Variants in AUTS2 observed in about 807,000 individuals in gnomAD.
The protein encoded by AUTS2 is autism susceptibility gene 2 protein.
In AUTS2, 17 loss-of-function variants were observed where a neutral mutation model predicts 112.4. That is an observed-to-expected ratio of 0.15 (90% CI 0.10 to 0.23). AUTS2 has a LOEUF of 0.23. Ranked by LOEUF, AUTS2 falls within the 10% of genes least tolerant of loss-of-function variation. AUTS2 has a pLI of 1.00. For missense variants in AUTS2, 1,510 were observed against 1,701.6 expected (o/e 0.89, Z 1.98); for synonymous variants, 751 against 702.7 (o/e 1.07, Z -1.09).
intron 2 of AUTS2, among the ~76,000 whole-genome samples, chr7:69,990,425 G>A (rs970799992): frequency 2.6e-5 from 4 of 152,078 alleles, no homozygotes; most frequent in African/African-American, 7.2e-5. Context: ...AGATGAATTC[G>A]CTTTTATATT....
At chr7:69,729,574 G>A (rs902458410) in intron 1 of AUTS2, among the ~76,000 whole-genome samples, 2 of 151,884 alleles carry the variant, frequency 1.3e-5, no homozygotes, top group African/African-American at 4.8e-5. Context: ...TAATTTAATG[G>A]CAGCATAATA....
chr7:70,386,848 C>T (rs1175627713), intron 4 of AUTS2, among the ~76,000 whole-genome samples: 2 of 152,124 alleles, frequency 1.3e-5, no homozygotes, highest in Admixed American at 1.3e-4. Flanking sequence ...ATCAAGTCAC[C>T]TCCCGACTTT....
intron 6 of AUTS2, among the ~76,000 whole-genome samples, chr7:70,720,031 C>G (rs907729213): frequency 6.6e-6 from 1 of 152,190 alleles, no homozygotes; most frequent in African/African-American, 2.4e-5. Flanking sequence ...TCTCACAGAT[C>G]TCTAGCCTGA....
intron 5 of AUTS2, among the ~76,000 whole-genome samples, chr7:70,535,646 C>T (rs1302116812): frequency 6.6e-6 from 1 of 152,158 alleles, no homozygotes; most frequent in Non-Finnish European, 1.5e-5. Context: ...AACTCCTGAC[C>T]TCAGGTGATC....
At chr7:69,937,924 T>TG (rs1796478356) in intron 2 of AUTS2, among the ~76,000 whole-genome samples, 1 of 152,138 alleles carries the variant, frequency 6.6e-6, no homozygotes, top group African/African-American at 2.4e-5. Flanking sequence ...AGAGGCAGAG[T>TG]GCACTAGAGA....
intron 1 of AUTS2, among the ~76,000 whole-genome samples, chr7:69,642,090 T>G (rs969506345): frequency 6.6e-6 from 1 of 152,236 alleles, no homozygotes; most frequent in Non-Finnish European, 1.5e-5. Context: ...AGTCTTCTAA[T>G]GCAGACATTC....
In AUTS2 at chr7:70,777,182, C is replaced by A. The variant is rs368519860; in HGVS notation, c.2004+8C>A. ...CACCAACAGAAAGTCAAGGTCAGTCCGACCTTCGTGGTGTAGGGAAGAATG... is the reference window on the plus strand; with the variant it reads ...CACCAACAGAAAGTCAAGGTCAGTCAGACCTTCGTGGTGTAGGGAAGAATG... On this transcript the variant is annotated splice_region_variant and intron_variant, in intron 14 of 18. Transcript: ENST00000342771. 6.2e-7 allele frequency: 1 copy of A among 1,612,654 alleles called. No individual in the cohort carries two copies. The highest frequency in any genetic ancestry group is 8.5e-7 in the Non-Finnish European group (1 of 1,178,896).
chr7:70,163,759 TG>T lies in AUTS2; in HGVS notation c.660+29192del, dbSNP rs550301833. Among the ~76,000 whole-genome samples, 183 of 152,274 alleles carry T rather than the reference TG, an allele frequency of 1.2e-3. 1 individual carries two copies. Among genetic ancestry groups the T allele is most frequent in the African/African-American group, 4.3e-3 (180 of 41,572 alleles). ...ACTTGGCTTCCCCGTGGGAGGGATG[TG>T]GGGAAGAAAACTGATTGTATTTCAT... On this transcript the variant is annotated intron_variant, in intron 4 of 18. Transcript: ENST00000342771.
chr7:70,179,755 C>A (rs1809198572), intron 4 of AUTS2, among the ~76,000 whole-genome samples: 1 of 152,184 alleles, frequency 6.6e-6, no homozygotes, highest in Non-Finnish European at 1.5e-5. Context: ...CCCACCCTTA[C>A]TAGCTTGCCA....
At chr7:69,655,531 G>A (rs1049181067) in intron 1 of AUTS2, among the ~76,000 whole-genome samples, 4 of 152,228 alleles carry the variant, frequency 2.6e-5, no homozygotes, top group African/African-American at 9.6e-5. Flanking sequence ...CAGAAATTCT[G>A]GCAGTGCGGG....
intron 5 of AUTS2, among the ~76,000 whole-genome samples, chr7:70,477,299 C>G (rs548740745): frequency 7.9e-5 from 12 of 152,220 alleles, no homozygotes; most frequent in Admixed American, 3.9e-4. Flanking sequence ...TAGATAAGCT[C>G]CAGATTATCC....
chr7:70,683,692 T>C (rs1487654121), intron 5 of AUTS2, among the ~76,000 whole-genome samples: 3 of 152,254 alleles, frequency 2.0e-5, no homozygotes, highest in Admixed American at 6.5e-5. Context: ...GGAAATTACA[T>C]AGGACCAGAG....
Position 70,690,132 on chromosome 7 carries a change from T to TGAA in AUTS2, c.691-8434_691-8432dup, listed in dbSNP as rs1233881572. Among the ~76,000 whole-genome samples, 6 of 152,034 alleles carry TGAA rather than the reference T, an allele frequency of 3.9e-5. No homozygotes were observed. In the South Asian group the frequency reaches 1.2e-3, roughly 32 times the overall value. On this transcript the variant is annotated intron_variant, in intron 5 of 18. Coordinates refer to ENST00000342771, the MANE Select transcript of AUTS2 (RefSeq NM_015570.4). Reference sequence around the variant, plus strand: ...GATAAGGAAACTGAGGCAGGGAGAGTGAAGAGATTTACCCAAGCTGTCCTG... The same window carrying TGAA: ...GATAAGGAAACTGAGGCAGGGAGAGTGAAGAAGAGATTTACCCAAGCTGTCCTG...
intron 4 of AUTS2, among the ~76,000 whole-genome samples, chr7:70,231,950 A>G (rs189262699): frequency 6.8e-6 from 1 of 146,444 alleles, no homozygotes; most frequent in Non-Finnish European, 1.5e-5. Context: ...ATTTTTTTGT[A>G]TTTTAGTAGA....
rs1792283927 is a variant in AUTS2 at position 69,847,924 on chromosome 7, CT to C, written c.310-51360del. Among the ~76,000 whole-genome samples, 8 of 152,326 alleles carry C rather than the reference CT, an allele frequency of 5.3e-5. No homozygotes were observed. In the South Asian group the frequency reaches 1.7e-3, roughly 32 times the overall value. On this transcript the variant is annotated intron_variant, in intron 1 of 18. Coordinates refer to ENST00000342771, the MANE Select transcript of AUTS2 (RefSeq NM_015570.4). ...TCCTCCTTTTATCACTTCCCAGTTTCTTCCTTTAGTTTCCTCTAAGGTCATT... is the reference window on the plus strand; with the variant it reads ...TCCTCCTTTTATCACTTCCCAGTTTCTCCTTTAGTTTCCTCTAAGGTCATT...
chr7:70,733,013 G>A (rs1787523201), intron 6 of AUTS2, among the ~76,000 whole-genome samples: 1 of 152,270 alleles, frequency 6.6e-6, no homozygotes, highest in South Asian at 2.1e-4. Context: ...TTTCCACAGG[G>A]CTGTGCTTCC....
chr7:70,609,444 G>T (rs991016011), intron 5 of AUTS2, among the ~76,000 whole-genome samples: 1 of 147,830 alleles, frequency 6.8e-6, no homozygotes, highest in African/African-American at 2.5e-5. Flanking sequence ...TCCCAGGCTG[G>T]AGTGCAGTGG....
intron 3 of AUTS2, among the ~76,000 whole-genome samples, chr7:70,129,796 T>C (rs957797037): frequency 2.0e-5 from 3 of 152,154 alleles, no homozygotes; most frequent in African/African-American, 4.8e-5. Flanking sequence ...GGAAGTGACG[T>C]AGCATTTTTC....
chr7:69,978,003 C>T (rs1171929068), intron 2 of AUTS2, among the ~76,000 whole-genome samples: 1 of 152,086 alleles, frequency 6.6e-6, no homozygotes, highest in Non-Finnish European at 1.5e-5. Context: ...AGTATGTCTA[C>T]TCCATTTTCT....
Sources: allele counts gnomAD v4.1 joint callset (sites outside exome capture counted in the v4.1 genomes callset), GRCh38; gene constraint gnomAD v4.1.1; transcripts MANE v1.5; gene names NCBI Gene and HGNC (gene_info 2026-07-23, HGNC 2026-07-21).